Variants in PHF21B observed in about 807,000 individuals in gnomAD.
PHF21B encodes the protein PHD finger protein 4.
Under a neutral mutation model 62.2 loss-of-function variants are expected in PHF21B, and 22 were observed. The observed-to-expected ratio is 0.35, with a 90% CI of 0.25 to 0.51. The LOEUF (loss-of-function observed/expected upper bound fraction) is 0.51, where lower values mean the gene tolerates loss of function less well. PHF21B is among the 20% of genes least tolerant of loss of function. The pLI is 0.97. For synonymous variants in PHF21B, 341 were observed against 314.7 expected (o/e 1.08, Z -0.88); for missense variants, 701 against 707.9 (o/e 0.99, Z 0.11).
chr22:44,929,883 G>A (rs1366860297), intron 2 of PHF21B, among the ~76,000 whole-genome samples: 4 of 152,192 alleles, frequency 2.6e-5, no homozygotes, highest in Non-Finnish European at 4.4e-5. Context: ...GAGGGGAGGC[G>A]ACAGGTCGAA....
rs960182611 is a variant in PHF21B at position 44,931,996 on chromosome 22, G to C, written c.121-11506C>G. 2.0e-5 allele frequency among the ~76,000 whole-genome samples: 3 copies of C among 152,288 alleles called. No individual in the cohort carries two copies. The East Asian group carries it at 5.8e-4, about 29-fold the overall frequency. ...GACAGGAGGGACATCTCTAAGCTGC[G>C]TCCCCCAGGAAGGAAGGAAGGCAGG... On this transcript the variant is annotated intron_variant, in intron 2 of 12. Transcript: ENST00000313237.
At chr22:44,957,836 T>C (rs1205266361) in intron 2 of PHF21B, among the ~76,000 whole-genome samples, 1 of 152,108 alleles carries the variant, frequency 6.6e-6, no homozygotes, top group Non-Finnish European at 1.5e-5. Flanking sequence ...GAAATAAGCA[T>C]TCTAAACCCG....
chr22:44,994,154 C>T (rs1389066348), intron 2 of PHF21B, among the ~76,000 whole-genome samples: 1 of 152,262 alleles, frequency 6.6e-6, no homozygotes, highest in African/African-American at 2.4e-5. Context: ...GCAGGGCTAG[C>T]TTCAGCTGGT....
chr22:44,980,219 G>A (rs995597646), intron 2 of PHF21B, among the ~76,000 whole-genome samples: 1 of 152,148 alleles, frequency 6.6e-6, no homozygotes. Flanking sequence ...AGGAGCACTG[G>A]TTTCTTTCTG....
At chr22:44,940,400 GTCC>G (rs1339326135) in intron 2 of PHF21B, among the ~76,000 whole-genome samples, 3 of 152,248 alleles carry the variant, frequency 2.0e-5, no homozygotes, top group African/African-American at 7.2e-5. Flanking sequence ...TGTCCATGCA[GTCC>G]TCCTGTTAAT....
chr22:44,928,281 G>A (rs906025132), intron 2 of PHF21B, among the ~76,000 whole-genome samples: 3 of 152,138 alleles, frequency 2.0e-5, no homozygotes, highest in Non-Finnish European at 4.4e-5. Context: ...CGAACTGCCA[G>A]GCCACAGTCT....
chr22:45,004,038 A>C (rs1033708160), intron 2 of PHF21B, among the ~76,000 whole-genome samples: 1 of 152,086 alleles, frequency 6.6e-6, no homozygotes, highest in African/African-American at 2.4e-5. Flanking sequence ...AGAACAGGCA[A>C]CTCTAGAGAC....
rs1187040980 is a variant in PHF21B at position 44,881,665 on chromosome 22, T to C, written c.*1421A>G. ...CCTCCTCGCTCTGCACCTCTGCGTGTGTGCATGCGTGTCTGTGGTCGTGGC... is the reference window on the plus strand; with the variant it reads ...CCTCCTCGCTCTGCACCTCTGCGTGCGTGCATGCGTGTCTGTGGTCGTGGC... On this transcript the variant is annotated 3_prime_UTR_variant, in exon 13 of 13. Coordinates refer to ENST00000313237, the MANE Select transcript of PHF21B (RefSeq NM_138415.5). 1 of 152,590 alleles carries C rather than the reference T, an allele frequency of 6.6e-6. No individual in the cohort carries two copies. 9.5% of individuals were successfully genotyped at this position (152,590 alleles called of 1,614,324 possible).
chr22:44,996,503 A>T (rs1415338902), intron 2 of PHF21B, among the ~76,000 whole-genome samples: 1 of 152,024 alleles, frequency 6.6e-6, no homozygotes, highest in Non-Finnish European at 1.5e-5. Context: ...TCTGTGGTCA[A>T]CATTCTGCCC....
At chr22:44,945,730 T>C (rs937395775) in intron 2 of PHF21B, among the ~76,000 whole-genome samples, 5 of 134,068 alleles carry the variant, frequency 3.7e-5, no homozygotes, top group African/African-American at 1.4e-4. Context: ...GGGGGGGTGG[T>C]ATAAAGCAGT....
intron 2 of PHF21B, among the ~76,000 whole-genome samples, chr22:44,953,442 T>C (rs2072233624): frequency 6.6e-6 from 1 of 152,214 alleles, no homozygotes; most frequent in East Asian, 1.9e-4. Context: ...TCACCGCTAA[T>C]TTTCCACGTT....
chr22:44,951,952 G>A lies in PHF21B; in HGVS notation c.121-31462C>T, dbSNP rs1209831793. ...TGAACAAGAGTGAAATAAAGATTCC[G>A]AGTAACAGTGGTTATGATGAAATGA... On this transcript the variant is annotated intron_variant, in intron 2 of 12. Transcript: ENST00000313237. Among the ~76,000 whole-genome samples the A allele has an allele frequency of 3.3e-5, 5 of 152,316 alleles. No individual in the cohort carries two copies. In the East Asian group the frequency reaches 5.8e-4, roughly 18 times the overall value.
At chr22:44,958,195 G>A (rs1267336277) in intron 2 of PHF21B, among the ~76,000 whole-genome samples, 9 of 151,984 alleles carry the variant, frequency 5.9e-5, no homozygotes, top group Admixed American at 5.2e-4. Flanking sequence ...GAGCCACCAC[G>A]ACAGCCCCCA....
intron 4 of PHF21B, among the ~76,000 whole-genome samples, chr22:44,915,369 AAC>A (rs2071414048): frequency 6.6e-6 from 1 of 152,248 alleles, no homozygotes; most frequent in African/African-American, 2.4e-5. Context: ...AAATGAACAA[AAC>A]AGTGTTTAAA....
chr22:44,940,762 C>T (rs2071940354), intron 2 of PHF21B, among the ~76,000 whole-genome samples: 1 of 152,090 alleles, frequency 6.6e-6, no homozygotes, highest in African/African-American at 2.4e-5. Flanking sequence ...CCTTCCAGAG[C>T]CCCGGTCAGC....
At chr22:44,954,510 C>T (rs1272808213) in intron 2 of PHF21B, among the ~76,000 whole-genome samples, 4 of 152,240 alleles carry the variant, frequency 2.6e-5, no homozygotes, top group South Asian at 2.1e-4. Context: ...CAGCTGGACC[C>T]GGCACTAGCC....
intron 2 of PHF21B, among the ~76,000 whole-genome samples, chr22:44,923,437 T>C (rs4823421): frequency 0.28 from 42,259 of 151,702 alleles, 6,687 homozygotes; most frequent in African/African-American, 0.43. Flanking sequence ...CAGAAATCTT[T>C]GGGATGTTAG....
intron 2 of PHF21B, among the ~76,000 whole-genome samples, chr22:45,007,404 G>A (rs1569289872): frequency 2.0e-5 from 3 of 150,754 alleles, no homozygotes; most frequent in Admixed American, 6.6e-5. Context: ...GTCCGATCCG[G>A]CGGCCCGGGC....
chr22:44,917,989 C>A (rs914799336), intron 3 of PHF21B, among the ~76,000 whole-genome samples: 1 of 152,242 alleles, frequency 6.6e-6, no homozygotes, highest in Non-Finnish European at 1.5e-5. Context: ...GGCCACACCA[C>A]GGGCAGGCGA....
Sources: gnomAD v4.1 joint callset for allele counts (sites outside exome capture counted in the v4.1 genomes callset) on GRCh38, gnomAD v4.1.1 for gene constraint, MANE v1.5 for transcripts, NCBI Gene and HGNC (gene_info 2026-07-23, HGNC 2026-07-21) for gene names.